CHLSN: variants seen among roughly 807,000 people sequenced by gnomAD.
CHLSN encodes cholesin.
the CHLSN span, among the ~76,000 whole-genome samples, chr7:1,086,273 G>T: frequency 6.6e-6 from 1 of 152,194 alleles, no homozygotes; most frequent in Non-Finnish European, 1.5e-5. Flanking sequence ...TTCAAGGTTT[G>T]AATTTTTATT....
chr7:1,044,097 G>A, the CHLSN span, among the ~76,000 whole-genome samples: 1 of 152,214 alleles, frequency 6.6e-6, no homozygotes, highest in African/African-American at 2.4e-5. Flanking sequence ...AAACCAGGAA[G>A]TAATTGGTGA....
the CHLSN span, among the ~76,000 whole-genome samples, chr7:1,008,825 CACA>C: frequency 0.47 from 71,327 of 151,072 alleles, 17,237 homozygotes; most frequent in Middle Eastern, 0.65. Flanking sequence ...CGCACATATA[CACA>C]ACGTGTATAC....
the CHLSN span, among the ~76,000 whole-genome samples, chr7:993,237 G>C: frequency 6.6e-6 from 1 of 152,160 alleles, no homozygotes; most frequent in Non-Finnish European, 1.5e-5. Flanking sequence ...CGCGTGGAGA[G>C]AGCGCCCGTT....
chr7:1,078,593 C>A, the CHLSN span, among the ~76,000 whole-genome samples: 1 of 152,244 alleles, frequency 6.6e-6, no homozygotes, highest in African/African-American at 2.4e-5. Context: ...GCCGGTTCAT[C>A]TCGTCTCCTC....
chr7:994,305 C>T, the CHLSN span, among the ~76,000 whole-genome samples: 28 of 151,828 alleles, frequency 1.8e-4, no homozygotes, highest in Non-Finnish European at 2.9e-4. Flanking sequence ...TCACTACAGG[C>T]GCCCACCACC....
the CHLSN span, among the ~76,000 whole-genome samples, chr7:1,077,390 T>C: frequency 6.6e-6 from 1 of 152,182 alleles, no homozygotes; most frequent in East Asian, 1.9e-4. Context: ...CTCCTGACCT[T>C]GTGATCCGCC....
chr7:989,118 C>T, the CHLSN span: 1 of 418,150 alleles, frequency 2.4e-6, no homozygotes, highest in Admixed American at 3.9e-5. Flanking sequence ...CACTCCCACC[C>T]ACCTAGCTCC....
the CHLSN span, chr7:988,889 T>C: frequency 1.0e-6 from 1 of 968,726 alleles, no homozygotes; most frequent in East Asian, 2.7e-5. Context: ...CCACCCTCTC[T>C]CCTCCCACCC....
the CHLSN span, chr7:1,057,627 G>C: frequency 2.6e-6 from 2 of 769,408 alleles, no homozygotes; most frequent in Non-Finnish European, 2.4e-6. Flanking sequence ...GGTGGTGGGC[G>C]TGCCAGTGGG....
the CHLSN span, among the ~76,000 whole-genome samples, chr7:994,657 C>A: frequency 6.6e-6 from 1 of 152,124 alleles, no homozygotes; most frequent in Non-Finnish European, 1.5e-5. Context: ...CCAGGCTGGT[C>A]TCAAACTCCT....
At chr7:1,068,016 G>A in the CHLSN span, among the ~76,000 whole-genome samples, 7 of 152,296 alleles carry the variant, frequency 4.6e-5, no homozygotes, top group African/African-American at 1.7e-4. Flanking sequence ...CCAGAGCTGC[G>A]TTTGGACGCT....
At chr7:1,096,639 A>G in the CHLSN span, among the ~76,000 whole-genome samples, 821 of 152,348 alleles carry the variant, frequency 5.4e-3, 8 homozygotes, top group African/African-American at 0.019. This position sits in a 1 kb window ranked among gnomAD's most constrained non-coding sequence, Gnocchi z 4.6. Flanking sequence ...ACTCTCCTAC[A>G]TGAGTGCTTT....
At chr7:1,122,435 G>GCC in the CHLSN span, among the ~76,000 whole-genome samples, 1 of 152,200 alleles carries the variant, frequency 6.6e-6, no homozygotes, top group African/African-American at 2.4e-5. Context: ...GGCTCTGCAT[G>GCC]GGGTGGTCAC....
chr7:1,007,354 C>T, the CHLSN span, among the ~76,000 whole-genome samples: 26 of 152,368 alleles, frequency 1.7e-4, no homozygotes, highest in South Asian at 1.9e-3. Flanking sequence ...CTACCTTCAC[C>T]GCTGCCCCTG....
At chr7:1,041,242 G>C in the CHLSN span, among the ~76,000 whole-genome samples, 5,545 of 127,518 alleles carry the variant, frequency 0.043, 272 homozygotes, top group Middle Eastern at 0.13. Flanking sequence ...CTGCGGGGAA[G>C]GGGACCTGGG....
At chr7:983,252 T>A in the CHLSN span, 1 of 1,536,178 alleles carries the variant, frequency 6.5e-7, no homozygotes, top group Non-Finnish European at 8.8e-7. Flanking sequence ...CTCCTGGGGC[T>A]CTGGGGGCTG....
At chr7:987,369 C>A in the CHLSN span, 3 of 1,591,780 alleles carry the variant, frequency 1.9e-6, no homozygotes, top group African/African-American at 1.3e-5. Context: ...AGGAGCTAGA[C>A]CGCGTGCTGG....
At chr7:1,135,738 C>G in the CHLSN span, among the ~76,000 whole-genome samples, 2 of 147,194 alleles carry the variant, frequency 1.4e-5, no homozygotes. Flanking sequence ...GCACTCCAGC[C>G]TGGACAACAG....
At chr7:983,494 C>G in the CHLSN span, 20 of 1,141,658 alleles carry the variant, frequency 1.8e-5, no homozygotes, top group Non-Finnish European at 2.2e-5. Context: ...CACATGGTGC[C>G]GGGCCCAGCG....
Sources: gnomAD v4.1 joint callset for allele counts (sites outside exome capture counted in the v4.1 genomes callset) on GRCh38, gnomAD v4.1.1 for gene constraint, Gnocchi (gnomAD v3.1) non-coding constraint, MANE v1.5 for transcripts, NCBI Gene and HGNC (gene_info 2026-07-23, HGNC 2026-07-21) for gene names.